SH3RF3: variants seen among roughly 807,000 people sequenced by gnomAD.
The protein encoded by SH3RF3 is SH3 domain containing ring finger 3.
In SH3RF3, 29 loss-of-function variants were observed where a neutral mutation model predicts 66.3. That is an observed-to-expected ratio of 0.44 (90% CI 0.33 to 0.60). The LOEUF (loss-of-function observed/expected upper bound fraction) is 0.60. Among genes scored for constraint, SH3RF3 ranks in the 20% least tolerant of loss-of-function variants. The pLI is 0.04. For synonymous variants in SH3RF3, 583 were observed against 532.0 expected, an observed-to-expected ratio of 1.10 and a Z score of -1.32; for missense variants, 1,194 against 1,190.9, an observed-to-expected ratio of 1.00 and a Z score of -0.04.
Position 109,489,798 on chromosome 2 carries a change from C to T in SH3RF3, c.2149-807C>T, listed in dbSNP as rs534290096. ...TGTCACCCAGGCTGGAGTGCAGTGG[C>T]GCAATCTCAGCTCACTGCAACCTCC... On this transcript the variant is annotated intron_variant, in intron 8 of 9. Transcript: ENST00000309415. Among the ~76,000 whole-genome samples the T allele has an allele frequency of 1.2e-4, 18 of 152,218 alleles. No homozygotes were observed. In the East Asian group the frequency reaches 1.4e-3, roughly 11 times the overall value.
Position 109,470,258 on chromosome 2 carries a change from G to A in SH3RF3, c.2149-20347G>A, listed in dbSNP as rs945469508. On this transcript the variant is annotated intron_variant, in intron 8 of 9. Coordinates refer to ENST00000309415, the MANE Select transcript of SH3RF3 (RefSeq NM_001099289.3). ...ATTTCCTCATCAATAAGTGATGGGA[G>A]TTAGAAGGATGACCCACAGCACCCA... 2.0e-5 allele frequency among the ~76,000 whole-genome samples: 3 copies of A among 152,210 alleles called. No individual in the cohort carries two copies. The South Asian group carries it at 6.2e-4, about 32-fold the overall frequency.
At chr2:109,340,000 C>G (rs1296229702) in intron 1 of SH3RF3, among the ~76,000 whole-genome samples, 1 of 152,140 alleles carries the variant, frequency 6.6e-6, no homozygotes. Context: ...AGGAATTTGC[C>G]CACCTTGCTA....
intron 1 of SH3RF3, among the ~76,000 whole-genome samples, chr2:109,256,457 A>G (rs568215060): frequency 2.0e-5 from 3 of 151,392 alleles, no homozygotes; most frequent in African/African-American, 7.4e-5. Flanking sequence ...CAGGGAGACG[A>G]GTGCTCTCTC....
intron 6 of SH3RF3, among the ~76,000 whole-genome samples, chr2:109,434,557 G>T (rs888766509): frequency 6.6e-6 from 1 of 152,196 alleles, no homozygotes; most frequent in African/African-American, 2.4e-5. Flanking sequence ...ACACTGGACT[G>T]CCTTCCACCC....
chr2:109,257,855 G>A (rs1448509941), intron 1 of SH3RF3, among the ~76,000 whole-genome samples: 1 of 152,128 alleles, frequency 6.6e-6, no homozygotes, highest in Non-Finnish European at 1.5e-5. Flanking sequence ...TTCCCAGTGA[G>A]TCACAGTAAA....
intron 1 of SH3RF3, among the ~76,000 whole-genome samples, chr2:109,208,907 G>T (rs1558959291): frequency 6.6e-6 from 1 of 152,194 alleles, no homozygotes; most frequent in Non-Finnish European, 1.5e-5. Flanking sequence ...GCCAGTGTGG[G>T]CATCTGGAGA....
intron 1 of SH3RF3, among the ~76,000 whole-genome samples, chr2:109,266,391 C>T (rs180977133): frequency 2.0e-5 from 3 of 152,068 alleles, no homozygotes; most frequent in East Asian, 3.9e-4. Context: ...CTGCCCCAAG[C>T]AGGAGTGTCC....
At chr2:109,324,037 A>G (rs1199961465) in intron 1 of SH3RF3, among the ~76,000 whole-genome samples, 3 of 152,150 alleles carry the variant, frequency 2.0e-5, no homozygotes, top group East Asian at 1.9e-4. Context: ...CTTTCTGGAC[A>G]TTTCTATGAA....
At chr2:109,221,538 C>T (rs1011918695) in intron 1 of SH3RF3, among the ~76,000 whole-genome samples, 1 of 148,284 alleles carries the variant, frequency 6.7e-6, no homozygotes, top group African/African-American at 2.5e-5. Flanking sequence ...GCCGCGATCG[C>T]GCCAGTGCAC....
chr2:109,165,420 C>G (rs1404922556), intron 1 of SH3RF3, among the ~76,000 whole-genome samples: 1 of 152,074 alleles, frequency 6.6e-6, no homozygotes, highest in Non-Finnish European at 1.5e-5. Context: ...CTCAGAGACC[C>G]CACCACCCCT....
chr2:109,223,476 G>A (rs1416021483), intron 1 of SH3RF3, among the ~76,000 whole-genome samples: 1 of 152,226 alleles, frequency 6.6e-6, no homozygotes, highest in Non-Finnish European at 1.5e-5. Flanking sequence ...AGTGGGCATG[G>A]CCTGCCCATG....
At chr2:109,136,156 T>C (rs1237913001) in intron 1 of SH3RF3, among the ~76,000 whole-genome samples, 1 of 152,174 alleles carries the variant, frequency 6.6e-6, no homozygotes, top group Non-Finnish European at 1.5e-5. Context: ...TTGTTTCTAG[T>C]GTGCATTTCC....
At chr2:109,210,930 C>G (rs555549133) in intron 1 of SH3RF3, among the ~76,000 whole-genome samples, 1 of 152,288 alleles carries the variant, frequency 6.6e-6, no homozygotes, top group East Asian at 1.9e-4. Context: ...TGCTGCTGTC[C>G]TTTCCTGTCA....
chr2:109,204,668 C>T (rs1678765790), intron 1 of SH3RF3, among the ~76,000 whole-genome samples: 2 of 152,210 alleles, frequency 1.3e-5, no homozygotes, highest in Non-Finnish European at 2.9e-5. Flanking sequence ...TGCTGGCAGG[C>T]AGGATGCCCC....
rs1682618757 is a variant in SH3RF3 at position 109,343,883 on chromosome 2, A to G, written c.574-3791A>G. The stretch of plus-strand genomic sequence containing the variant: ...CCTCAGCCTCCCAATAGCTGAGACT[A>G]CAGGTACTTGCCACCATGCCTATTT... On this transcript the variant is annotated intron_variant, in intron 1 of 9. Transcript: ENST00000309415. 2.0e-5 allele frequency among the ~76,000 whole-genome samples: 3 copies of G among 152,138 alleles called. No individual in the cohort carries two copies. The South Asian group carries it at 6.2e-4, about 32-fold the overall frequency.
In SH3RF3 at chr2:109,369,254, A is replaced by G. The variant is rs187683125; in HGVS notation, c.850-2332A>G. On this transcript the variant is annotated intron_variant, in intron 2 of 9. Transcript: ENST00000309415. ...TCCCAGCTACTCTAGAGGCTGAGGCAGGGGGAATCACTTGAACCCAGGAGG... is the reference window on the plus strand; with the variant it reads ...TCCCAGCTACTCTAGAGGCTGAGGCGGGGGGAATCACTTGAACCCAGGAGG... 2.8e-4 allele frequency among the ~76,000 whole-genome samples: 43 copies of G among 151,860 alleles called. No individual in the cohort carries two copies. In the East Asian group the frequency reaches 7.2e-3, roughly 25 times the overall value.
At chr2:109,388,845 G>T (rs573384660) in intron 3 of SH3RF3, among the ~76,000 whole-genome samples, 1 of 150,486 alleles carries the variant, frequency 6.6e-6, no homozygotes, top group South Asian at 2.1e-4. Context: ...TAGAGAGAAG[G>T]GGGTATAGAG....
At chr2:109,207,579 G>A (rs953882139) in intron 1 of SH3RF3, among the ~76,000 whole-genome samples, 2 of 152,160 alleles carry the variant, frequency 1.3e-5, no homozygotes, top group African/African-American at 4.8e-5. Flanking sequence ...GTGCTATTAA[G>A]ATATTGAAAT....
At chr2:109,151,466 T>G (rs1285219826) in intron 1 of SH3RF3, among the ~76,000 whole-genome samples, 1 of 152,278 alleles carries the variant, frequency 6.6e-6, no homozygotes, top group Non-Finnish European at 1.5e-5. Context: ...GCCACATATT[T>G]AATTTAAAAA....
Sources: allele counts gnomAD v4.1 joint callset (sites outside exome capture counted in the v4.1 genomes callset), GRCh38; gene constraint gnomAD v4.1.1; transcripts MANE v1.5; gene names NCBI Gene and HGNC (gene_info 2026-07-23, HGNC 2026-07-21).